Variants in PSPC1 observed in about 807,000 individuals in gnomAD.
PSPC1 encodes paraspeckle component 1.
PSPC1 carries 14 observed loss-of-function variants against 51.6 expected under a neutral mutation model. The observed-to-expected ratio is 0.27, with a 90% confidence interval of 0.18 to 0.42. The LOEUF (loss-of-function observed/expected upper bound fraction) is 0.42, where lower values mean the gene tolerates loss of function less well. PSPC1 is among the 10% of genes least tolerant of loss of function. The pLI is 1.00. For missense variants in PSPC1, 406 were observed against 701.1 expected (o/e 0.58, Z 4.75); for synonymous variants, 193 against 231.9 (o/e 0.83, Z 1.53).
chr13:19,772,328 T>G lies in PSPC1; in HGVS notation c.588A>C (p.Thr196=), dbSNP rs374713767. 2 of 1,614,252 alleles carry G rather than the reference T, an allele frequency of 1.2e-6. No individual in the cohort carries two copies. Among genetic ancestry groups the G allele is most frequent in the Non-Finnish European group, 1.7e-6 (2 of 1,180,048 alleles). The change falls in exon 2 of 9, where the codon ACA becomes ACC. Residue 196 remains threonine, a synonymous_variant. Coordinates refer to ENST00000338910, the MANE Select transcript of PSPC1 (RefSeq NM_001354909.2). ...VVVVDDRGRA[T]GKGFVEFAAK... is the part of the protein sequence containing the mutation. ...CTGCAAACTCTACAAAACCTTTTCC[T>G]GTAGCTCTACCGCGATCATCCACAA... is the stretch of plus-strand genomic sequence containing the variant.
At chr13:19,724,471 C>T (rs1456479785) in intron 6 of PSPC1, among the ~76,000 whole-genome samples, 1 of 152,180 alleles carries the variant, frequency 6.6e-6, no homozygotes, top group South Asian at 2.1e-4. Flanking sequence ...AAGAGGCTGA[C>T]TGGTTAAAGA....
At chr13:19,765,790 T>C (rs1190405342) in intron 2 of PSPC1, among the ~76,000 whole-genome samples, 4 of 152,124 alleles carry the variant, frequency 2.6e-5, no homozygotes, top group Admixed American at 6.6e-5. Context: ...GCACTGATAG[T>C]ATATCAAGGG....
chr13:19,672,359 G>C (rs1876179843), downstream of PSPC1: 1 of 155,602 alleles, frequency 6.4e-6, no homozygotes, highest in Admixed American at 6.3e-5. Flanking sequence ...GGTCAGGCTG[G>C]TCTTGAACTC....
chr13:19,677,761 C>T (rs542631560), exon 7 of PSPC1: 1 of 481,432 alleles, frequency 2.1e-6, no homozygotes, highest in Non-Finnish European at 4.2e-6. Flanking sequence ...CTGGTCTTAA[C>T]TCTTCTGAAT....
intron 2 of PSPC1, among the ~76,000 whole-genome samples, chr13:19,769,839 G>T (rs1455498642): frequency 6.6e-6 from 1 of 152,174 alleles, no homozygotes; most frequent in African/African-American, 2.4e-5. Context: ...CTCATTGCTG[G>T]TAGGAATGTA....
At chr13:19,730,420 GAAA>G in intron 5 of PSPC1, 76 bp from the exon 6 acceptor site, 2 of 1,324,210 alleles carry the variant, frequency 1.5e-6, no homozygotes, top group Non-Finnish European at 2.2e-6. Context: ...CATGTAAAAT[GAAA>G]TCATTTATGC....
chr13:19,758,015 T>TA (rs61573431), intron 3 of PSPC1, among the ~76,000 whole-genome samples: 6,844 of 150,822 alleles, frequency 0.045, 243 homozygotes, highest in African/African-American at 0.098. Flanking sequence ...TTTATAAACT[T>TA]AAAAAAAAAA....
At chr13:19,731,918 T>C (rs1269207712) in intron 5 of PSPC1, among the ~76,000 whole-genome samples, 1 of 152,212 alleles carries the variant, frequency 6.6e-6, no homozygotes, top group Non-Finnish European at 1.5e-5. Context: ...ATTTATATAG[T>C]GAAGGCTATA....
intron 1 of PSPC1, among the ~76,000 whole-genome samples, chr13:19,773,435 G>A (rs1240413755): frequency 1.3e-5 from 2 of 151,612 alleles, no homozygotes; most frequent in Non-Finnish European, 2.9e-5. Flanking sequence ...ATTTTTAGTA[G>A]AGACGGGGTT....
chr13:19,703,888 A>G (rs1880281994), intron 8 of PSPC1, among the ~76,000 whole-genome samples: 1 of 152,196 alleles, frequency 6.6e-6, no homozygotes, highest in African/African-American at 2.4e-5. Flanking sequence ...GAAACTTCTG[A>G]GAGTGTTTTC....
In PSPC1 at chr13:19,748,610, A is replaced by G. The variant is rs145249916; in HGVS notation, c.967+2661T>C. ...TCAATATATCCTCAGTACCTCAGAC[A>G]TGTCTCCCATAACTGACATTAAAGA... On this transcript the variant is annotated intron_variant, in intron 4 of 8. Coordinates refer to ENST00000338910, the MANE Select transcript of PSPC1 (RefSeq NM_001354909.2). Among the ~76,000 whole-genome samples, 1,144 of 152,172 alleles carry G rather than the reference A, an allele frequency of 7.5e-3. 15 individuals are homozygous for G. The highest frequency in any genetic ancestry group is 0.026 in the African/African-American group (1,072 of 41,474).
At chr13:19,736,099 C>A (rs1268364915) in intron 5 of PSPC1, among the ~76,000 whole-genome samples, 2 of 151,930 alleles carry the variant, frequency 1.3e-5, no homozygotes, top group Non-Finnish European at 1.5e-5. Context: ...GGATTACAGG[C>A]ATGAGCCACC....
intron 6 of PSPC1, among the ~76,000 whole-genome samples, chr13:19,690,187 TAATTTTTACTG>T (rs1217707441): frequency 6.6e-6 from 1 of 152,212 alleles, no homozygotes; most frequent in Non-Finnish European, 1.5e-5. Flanking sequence ...TCATCACATA[TAATTTTTACTG>T]AATTATTTCT....
chr13:19,692,678 G>A (rs565878930), intron 6 of PSPC1, among the ~76,000 whole-genome samples: 2 of 151,886 alleles, frequency 1.3e-5, no homozygotes, highest in South Asian at 2.1e-4. Context: ...CCTCACCATC[G>A]ACCCTGAACA....
In PSPC1 at chr13:19,759,473, C is replaced by A. The variant is rs541026823; in HGVS notation, c.675-55G>T. On this transcript the variant is annotated intron_variant, in intron 2 of 8. Transcript: ENST00000338910. ...TTAACACAGTGCCAAGAATTAATAC[C>A]GTCTTAAAAGAAATGTTTTATAATA... 1.4e-5 allele frequency: 17 copies of A among 1,189,840 alleles called. No homozygotes were observed. The African/African-American group carries it at 2.0e-4, about 14-fold the overall frequency. The allele number at this position is 1,189,840 out of a possible 1,614,324, so 73.7% of individuals were successfully genotyped here. A position where few individuals can be genotyped will look rare whatever the true frequency, so the allele number is the denominator to read the frequency against.
chr13:19,686,775 G>T (rs1185495599), intron 6 of PSPC1, among the ~76,000 whole-genome samples: 3 of 152,144 alleles, frequency 2.0e-5, no homozygotes, highest in African/African-American at 7.2e-5. Context: ...TCTCAAGGAG[G>T]ATCTGAATGA....
At chr13:19,694,178 T>C (rs149458688) in intron 6 of PSPC1, among the ~76,000 whole-genome samples, 3,309 of 118,718 alleles carry the variant, frequency 0.028, 48 homozygotes, top group Middle Eastern at 0.091. Flanking sequence ...CATACACACA[T>C]ACACACACAC....
intron 6 of PSPC1, among the ~76,000 whole-genome samples, chr13:19,679,383 C>A (rs1565952716): frequency 6.6e-6 from 1 of 152,126 alleles, no homozygotes; most frequent in South Asian, 2.1e-4. Flanking sequence ...GTAGTCCCAA[C>A]TAATTGGCAG....
intron 6 of PSPC1, among the ~76,000 whole-genome samples, chr13:19,680,888 A>G (rs1877194092): frequency 6.6e-6 from 1 of 152,214 alleles, no homozygotes; most frequent in Non-Finnish European, 1.5e-5. Flanking sequence ...AACAGTCAAT[A>G]CCACACATAC....
Sources: gnomAD v4.1 joint callset for allele counts (sites outside exome capture counted in the v4.1 genomes callset) on GRCh38, gnomAD v4.1.1 for gene constraint, MANE v1.5 for transcripts, NCBI Gene and HGNC (gene_info 2026-07-23, HGNC 2026-07-21) for gene names.